PCDHGA3: variants seen among roughly 807,000 people sequenced by gnomAD.
PCDHGA3 encodes protocadherin gamma subfamily A, 3.
Under a neutral mutation model 58.5 loss-of-function variants are expected in PCDHGA3, and 40 were observed. The observed-to-expected ratio is 0.68, with a 90% confidence interval of 0.53 to 0.89. The LOEUF (loss-of-function observed/expected upper bound fraction) is 0.89, where lower values mean the gene tolerates loss of function less well. Among genes scored for constraint, PCDHGA3 ranks in the 40% least tolerant of loss-of-function variants. The probability of loss-of-function intolerance (pLI) is 0.00; values close to 1 mark genes in which losing one functional copy is unlikely to be tolerated. For synonymous variants in PCDHGA3, 530 were observed against 525.7 expected (o/e 1.01, Z -0.11); for missense variants, 1,223 against 1,195.9 (o/e 1.02, Z -0.33).
intron 1 of PCDHGA3, chr5:141,478,760 C>T (rs1472984737): frequency 1.5e-5 from 23 of 1,510,888 alleles, no homozygotes; most frequent in Non-Finnish European, 1.9e-5. Context: ...GGGGAAGATA[C>T]TTGACTCATC....
intron 1 of PCDHGA3, chr5:141,375,931 T>G (rs746995876): frequency 2.5e-6 from 4 of 1,613,540 alleles, no homozygotes; most frequent in Non-Finnish European, 3.4e-6. Context: ...AGCCAGGACT[T>G]TTCTCAGTGG....
chr5:141,476,083 T>C lies in PCDHGA3; in HGVS notation c.2425-18724T>C. 1 of 1,547,886 alleles carries C rather than the reference T, an allele frequency of 6.5e-7. No homozygotes were observed. The highest frequency in any genetic ancestry group is 8.7e-7 in the Non-Finnish European group (1 of 1,153,242). The stretch of plus-strand genomic sequence containing the variant: ...TCTCAGCGAAATCTCAGGGACGATC[T>C]GGACCCCGCTGAGAGGAACTGCTTT... On this transcript the variant is annotated intron_variant, in intron 1 of 3. Coordinates refer to ENST00000253812, the MANE Select transcript of PCDHGA3 (RefSeq NM_018916.4). This position sits in a 1 kb window ranked among gnomAD's most constrained non-coding sequence, Gnocchi z 7.6.
At chr5:141,374,887 C>T (rs1248527882) in intron 1 of PCDHGA3, 1 of 1,613,670 alleles carries the variant, frequency 6.2e-7, no homozygotes. Flanking sequence ...CTGCCACCGA[C>T]CAGGATGAAG....
At chr5:141,350,411 G>T (rs757842052) in intron 1 of PCDHGA3, 2 of 1,605,198 alleles carry the variant, frequency 1.2e-6, no homozygotes, top group East Asian at 2.2e-5. Flanking sequence ...ACTTGCCAAG[G>T]ATCTGGGGCT....
chr5:141,374,116 C>G (rs1328761924), intron 1 of PCDHGA3: 9 of 1,580,694 alleles, frequency 5.7e-6, no homozygotes, highest in Non-Finnish European at 8.6e-7. Context: ...CGCAGCGCAG[C>G]GAGCAGGTCC....
At chr5:141,399,613 G>C (rs752648693) in intron 1 of PCDHGA3, 1 of 1,613,928 alleles carries the variant, frequency 6.2e-7, no homozygotes, top group South Asian at 1.1e-5. Context: ...AGAGCCTCTG[G>C]CACTGGCCTC....
chr5:141,508,269 C>T (rs1459186158), intron 3 of PCDHGA3: 1 of 152,186 alleles, frequency 6.6e-6, no homozygotes, highest in East Asian at 1.9e-4. Flanking sequence ...GAGAAAATCC[C>T]GGTCCTTGAC....
rs972633773 is a variant in PCDHGA3, at chr5:141,489,751, A to T, written c.2425-5056A>T. ...GGGCACCAATACTGTGAGCTTTTAC[A>T]CTCTAAGCCCCAACAGCCACTTCTC... On this transcript the variant is annotated intron_variant, in intron 1 of 3. Coordinates refer to ENST00000253812, the MANE Select transcript of PCDHGA3 (RefSeq NM_018916.4). The surrounding 1 kb of genome is among the most constrained non-coding windows in gnomAD (Gnocchi z 4.5). The T allele has an allele frequency of 1.9e-6, 3 of 1,613,740 alleles. No individual in the cohort carries two copies. Among genetic ancestry groups the T allele is most frequent in the African/African-American group, 2.7e-5 (2 of 74,840 alleles).
chr5:141,352,574 C>T (rs1759049490), intron 1 of PCDHGA3: 1 of 1,613,842 alleles, frequency 6.2e-7, no homozygotes, highest in Non-Finnish European at 8.5e-7. Context: ...GGAAATGGCT[C>T]CCCCTCAGGA....
intron 2 of PCDHGA3, among the ~76,000 whole-genome samples, chr5:141,500,928 G>A (rs2099803943): frequency 6.6e-6 from 1 of 151,476 alleles, no homozygotes; most frequent in African/African-American, 2.4e-5. Context: ...GGGTGCAGTG[G>A]CGCCATCTCG....
rs1173627393 is a variant in PCDHGA3 at position 141,487,102 on chromosome 5, G to A, written c.2425-7705G>A. ...CAGCTGACCTCCCACCACAGAAGCT[G>A]GTCATTGTGGTAAAGGATAGTGGTA... On this transcript the variant is annotated intron_variant, in intron 1 of 3. Coordinates refer to ENST00000253812, the MANE Select transcript of PCDHGA3 (RefSeq NM_018916.4). This position sits in a 1 kb window ranked among gnomAD's most constrained non-coding sequence, Gnocchi z 5.0. 1 of 1,613,900 alleles carries A rather than the reference G, an allele frequency of 6.2e-7. No homozygotes were observed.
chr5:141,501,693 G>T (rs1417828433), intron 2 of PCDHGA3, among the ~76,000 whole-genome samples: 1 of 152,028 alleles, frequency 6.6e-6, no homozygotes, highest in Non-Finnish European at 1.5e-5. Context: ...TATCTGCAGG[G>T]TGATTCCGAG....
intron 1 of PCDHGA3, chr5:141,385,538 G>A (rs914768371): frequency 4.1e-5 from 55 of 1,337,642 alleles, no homozygotes; most frequent in Non-Finnish European, 4.8e-5. Flanking sequence ...TTATGAATAT[G>A]TGGACTATCA....
chr5:141,420,022 TA>T (rs2096459209), intron 1 of PCDHGA3: 1 of 1,613,986 alleles, frequency 6.2e-7, no homozygotes. Flanking sequence ...CTTTCAGCCC[TA>T]CTGCAGGAGA....
Position 141,360,239 on chromosome 5 carries a change from A to G in PCDHGA3, c.2424+13782A>G, listed in dbSNP as rs775491179. 2 of 1,613,884 alleles carry G rather than the reference A, an allele frequency of 1.2e-6. No homozygotes were observed. The highest frequency in any genetic ancestry group is 1.7e-6 in the Non-Finnish European group (2 of 1,179,852). On this transcript the variant is annotated intron_variant, in intron 1 of 3. Transcript: ENST00000253812. ...GGGGCTCTCCCAGTCCAGATCCGCTATTCAATTCCAGAGGAGCTGGCCAAA... is the reference window on the plus strand; with the variant it reads ...GGGGCTCTCCCAGTCCAGATCCGCTGTTCAATTCCAGAGGAGCTGGCCAAA...
intron 1 of PCDHGA3, among the ~76,000 whole-genome samples, chr5:141,469,096 G>A (rs1191827174): frequency 6.6e-6 from 1 of 151,944 alleles, no homozygotes; most frequent in Non-Finnish European, 1.5e-5. Flanking sequence ...AGGCAACAAA[G>A]CAAGAACCTG....
chr5:141,490,497 C>G lies in PCDHGA3; in HGVS notation c.2425-4310C>G. The stretch of plus-strand genomic sequence containing the variant: ...CTTTGGACCGGGAGGCCACATCCCA[C>G]TATATCATCGAGCTGCTGGCCAGCG... On this transcript the variant is annotated intron_variant, in intron 1 of 3. Transcript: ENST00000253812. The surrounding 1 kb of genome is among the most constrained non-coding windows in gnomAD (Gnocchi z 5.4). 6.2e-7 allele frequency: 1 copy of G among 1,614,196 alleles called. No individual in the cohort carries two copies. Among genetic ancestry groups the G allele is most frequent in the South Asian group, 1.1e-5 (1 of 91,084 alleles).
chr5:141,400,501 G>A lies in PCDHGA3; in HGVS notation c.2424+54044G>A, dbSNP rs574905149. 3.4e-5 allele frequency: 55 copies of A among 1,613,996 alleles called. 1 individual carries two copies. The East Asian group carries it at 1.1e-3, about 33-fold the overall frequency. On this transcript the variant is annotated intron_variant, in intron 1 of 3. Coordinates refer to ENST00000253812, the MANE Select transcript of PCDHGA3 (RefSeq NM_018916.4). ...CTTATTTCCACTTTGTAATTCCAGC[G>A]AGTCGACTTCCCATCCTGAGTTGGT... is the stretch of plus-strand genomic sequence containing the variant.
Position 141,394,139 on chromosome 5 carries a change from G to A in PCDHGA3, c.2424+47682G>A, listed in dbSNP as rs780148099. 1.7e-5 allele frequency: 27 copies of A among 1,613,788 alleles called. No individual in the cohort carries two copies. The African/African-American group carries it at 3.5e-4, about 21-fold the overall frequency. On this transcript the variant is annotated intron_variant, in intron 1 of 3. Coordinates refer to ENST00000253812, the MANE Select transcript of PCDHGA3 (RefSeq NM_018916.4). ...CTGAAACTCAAATCGCTCTGCACGTGGCAGACATTAACGACAACCCTCCTA... is the reference window on the plus strand; with the variant it reads ...CTGAAACTCAAATCGCTCTGCACGTAGCAGACATTAACGACAACCCTCCTA...
Sources: gnomAD v4.1 joint callset for allele counts (sites outside exome capture counted in the v4.1 genomes callset) on GRCh38, gnomAD v4.1.1 for gene constraint, Gnocchi (gnomAD v3.1) non-coding constraint, MANE v1.5 for transcripts, NCBI Gene and HGNC (gene_info 2026-07-23, HGNC 2026-07-21) for gene names.